The following IMMP2L variants were observed in gnomAD, a reference collection of about 807,000 sequenced individuals.
The protein encoded by IMMP2L is inner mitochondrial membrane peptidase subunit 2.
In IMMP2L, 18 loss-of-function variants were observed where a neutral mutation model predicts 19.3. The observed-to-expected ratio is 0.93, with a 90% confidence interval of 0.64 to 1.38. The LOEUF (loss-of-function observed/expected upper bound fraction) is 1.38, where lower values mean the gene tolerates loss of function less well. IMMP2L is among the 40% of genes most tolerant of loss of function. The pLI is 0.00. For missense variants in IMMP2L, 233 were observed against 218.2 expected, an observed-to-expected ratio of 1.07 and a Z score of -0.43; for synonymous variants, 76 against 73.0, an observed-to-expected ratio of 1.04 and a Z score of -0.21.
At chr7:110,900,174 T>C (rs1811715437) in intron 4 of IMMP2L, among the ~76,000 whole-genome samples, 1 of 152,204 alleles carries the variant, frequency 6.6e-6, no homozygotes, top group South Asian at 2.1e-4. Context: ...AAGTGAATCG[T>C]TGAAAGATGC....
intron 3 of IMMP2L, among the ~76,000 whole-genome samples, chr7:111,019,005 G>A (rs1826009146): frequency 1.3e-5 from 2 of 152,012 alleles, no homozygotes; most frequent in African/African-American, 4.8e-5. Context: ...TAGGGGTGTA[G>A]ATAACTTCTA....
intron 3 of IMMP2L, among the ~76,000 whole-genome samples, chr7:111,027,775 T>C (rs1420044925): frequency 6.6e-6 from 1 of 152,138 alleles, no homozygotes; most frequent in Non-Finnish European, 1.5e-5. Flanking sequence ...TTCAGGCACA[T>C]ATCTTGATAT....
chr7:111,196,072 CT>C (rs1809467772), intron 3 of IMMP2L, among the ~76,000 whole-genome samples: 1 of 152,020 alleles, frequency 6.6e-6, no homozygotes, highest in African/African-American at 2.4e-5. Flanking sequence ...CAGTATCTCT[CT>C]GTGTTGCCCA....
At chr7:110,762,216 G>A (rs1798390445) in intron 5 of IMMP2L, among the ~76,000 whole-genome samples, 2 of 151,846 alleles carry the variant, frequency 1.3e-5, no homozygotes, top group Admixed American at 1.3e-4. Flanking sequence ...GTTTTATCTG[G>A]GAAAGAGACT....
At chr7:110,819,138 A>C (rs1322633986) in intron 5 of IMMP2L, among the ~76,000 whole-genome samples, 1 of 152,126 alleles carries the variant, frequency 6.6e-6, no homozygotes, top group Non-Finnish European at 1.5e-5. Context: ...AGAAAAAAAA[A>C]TCAGTTCTGA....
intron 5 of IMMP2L, among the ~76,000 whole-genome samples, chr7:110,688,829 C>T (rs1384769288): frequency 6.6e-6 from 1 of 151,802 alleles, no homozygotes; most frequent in East Asian, 1.9e-4. Flanking sequence ...TGTCCTTTCT[C>T]TCTGTCTCTC....
At chr7:111,526,624 G>A (rs1045671406) in intron 1 of IMMP2L, among the ~76,000 whole-genome samples, 7 of 152,146 alleles carry the variant, frequency 4.6e-5, no homozygotes, top group Admixed American at 2.6e-4. Context: ...AAATAACACT[G>A]AGCAAGATTC....
chr7:110,685,372 G>C (rs1793041115), intron 5 of IMMP2L, among the ~76,000 whole-genome samples: 1 of 152,102 alleles, frequency 6.6e-6, no homozygotes, highest in Admixed American at 6.6e-5. Flanking sequence ...AGAATTAAAT[G>C]GTATAATTTG....
chr7:110,933,939 C>T (rs913608997), intron 4 of IMMP2L, among the ~76,000 whole-genome samples: 5 of 152,106 alleles, frequency 3.3e-5, no homozygotes, highest in Non-Finnish European at 5.9e-5. Context: ...GTTAGGGTGT[C>T]GATTTTAGAT....
At chr7:111,450,565 GGATTAAAGATTTAAACGTTA>G (rs1331614720) in intron 3 of IMMP2L, among the ~76,000 whole-genome samples, 1 of 148,944 alleles carries the variant, frequency 6.7e-6, no homozygotes, top group East Asian at 2.0e-4. Flanking sequence ...AATTCAAGAT[GGATTAAAGATTTAAACGTTA>G]GACCTAAAAC....
intron 3 of IMMP2L, among the ~76,000 whole-genome samples, chr7:110,982,876 CT>C (rs906398898): frequency 6.6e-6 from 1 of 152,046 alleles, no homozygotes; most frequent in African/African-American, 2.4e-5. Flanking sequence ...TTCTTCTCAT[CT>C]AATTTTGAAA....
At chr7:111,338,834 T>C (rs925344044) in intron 3 of IMMP2L, among the ~76,000 whole-genome samples, 1 of 152,134 alleles carries the variant, frequency 6.6e-6, no homozygotes, top group South Asian at 2.1e-4. Flanking sequence ...TGCCCCAATA[T>C]TGCATGCATG....
chr7:110,850,719 GA>G (rs1806126740), intron 5 of IMMP2L, among the ~76,000 whole-genome samples: 1 of 150,192 alleles, frequency 6.7e-6, no homozygotes. Flanking sequence ...AAAAAAAAAA[GA>G]AAAAGATACT....
At chr7:111,280,272 G>A (rs1253176048) in intron 3 of IMMP2L, among the ~76,000 whole-genome samples, 5 of 152,064 alleles carry the variant, frequency 3.3e-5, no homozygotes, top group Admixed American at 3.3e-4. Context: ...TGTTCCCTCT[G>A]CATGAAGTCC....
intron 3 of IMMP2L, among the ~76,000 whole-genome samples, chr7:111,377,211 TATA>T (rs1288254603): frequency 6.6e-6 from 1 of 152,022 alleles, no homozygotes; most frequent in East Asian, 1.9e-4. Flanking sequence ...GTCATTCTTC[TATA>T]ATGTTACTCT....
intron 5 of IMMP2L, among the ~76,000 whole-genome samples, chr7:110,692,114 C>A (rs1451528348): frequency 2.0e-5 from 3 of 152,206 alleles, no homozygotes; most frequent in Middle Eastern, 3.4e-3. Flanking sequence ...AACATACACA[C>A]TCCCCCCACA....
chr7:111,393,771 C>T (rs1732753935), intron 3 of IMMP2L, among the ~76,000 whole-genome samples: 3 of 152,088 alleles, frequency 2.0e-5, no homozygotes, highest in Admixed American at 1.3e-4. Context: ...AAAGTTTATC[C>T]TATACTTACA....
intron 3 of IMMP2L, among the ~76,000 whole-genome samples, chr7:111,198,205 G>A (rs779759180): frequency 6.6e-6 from 1 of 152,026 alleles, no homozygotes; most frequent in African/African-American, 2.4e-5. Flanking sequence ...AGAAAAAAAT[G>A]CTCTCTCTAG....
At chr7:111,125,009 A>C in intron 3 of IMMP2L, 1 of 817,500 alleles carries the variant, frequency 1.2e-6, no homozygotes, top group South Asian at 2.0e-5. Context: ...AAGTAAAAAA[A>C]GATTACTTTC....
Sources: allele counts gnomAD v4.1 joint callset (sites outside exome capture counted in the v4.1 genomes callset), GRCh38; gene constraint gnomAD v4.1.1; transcripts MANE v1.5; gene names NCBI Gene and HGNC (gene_info 2026-07-23, HGNC 2026-07-21).